Variants in SEC14L2 observed in about 807,000 individuals in gnomAD.
The protein encoded by SEC14L2 is SEC14-like protein 2.
In SEC14L2, 50 loss-of-function variants were observed where a neutral mutation model predicts 56.9. The ratio of observed to expected loss-of-function variants is 0.88; its 90% CI spans 0.70 to 1.11. SEC14L2 has a LOEUF of 1.11. SEC14L2 is among the 50% of genes most tolerant of loss of function. SEC14L2 has a pLI of 0.00. For missense variants in SEC14L2, 414 were observed against 500.7 expected (o/e 0.83, Z 1.65); for synonymous variants, 179 against 188.5 (o/e 0.95, Z 0.41).
At chr22:30,417,563 T>G (rs370919113) in intron 11 of SEC14L2, among the ~76,000 whole-genome samples, 1 of 151,984 alleles carries the variant, frequency 6.6e-6, no homozygotes, top group Non-Finnish European at 1.5e-5. Context: ...ACTGCTACAC[T>G]GGGGTATCTC....
chr22:30,412,478 G>A (rs577949216), intron 8 of SEC14L2, among the ~76,000 whole-genome samples: 1 of 151,966 alleles, frequency 6.6e-6, no homozygotes, highest in African/African-American at 2.4e-5. Context: ...AGCCTGAATC[G>A]GGGAATTGGC....
chr22:30,409,861 C>G (rs1934201941), intron 7 of SEC14L2, among the ~76,000 whole-genome samples: 1 of 151,852 alleles, frequency 6.6e-6, no homozygotes, highest in Admixed American at 6.6e-5. Flanking sequence ...GATTGTGCCA[C>G]TGCACTCCAG....
intron 3 of SEC14L2, 120 bp from the exon 4 acceptor site, chr22:30,406,975 C>T: frequency 5.7e-6 from 5 of 879,434 alleles, no homozygotes; most frequent in Non-Finnish European, 9.0e-6. Flanking sequence ...TGGTCTTGAA[C>T]TCCTGGCCTC....
At chr22:30,412,860 A>C (rs9620982) in intron 8 of SEC14L2, among the ~76,000 whole-genome samples, 5 of 143,718 alleles carry the variant, frequency 3.5e-5, no homozygotes, top group African/African-American at 1.1e-4. Flanking sequence ...AAAAAAAAAC[A>C]AAAAAAACTT....
chr22:30,424,530 G>A lies in SEC14L2; in HGVS notation c.*2123G>A, dbSNP rs559289557. The A allele has an allele frequency of 1.4e-5, 5 of 352,932 alleles. No homozygotes were observed. The highest frequency in any genetic ancestry group is 1.1e-4 in the African/African-American group (5 of 46,586). The allele number at this position is 352,932 out of a possible 1,614,324, so 21.9% of individuals were successfully genotyped here. A position where few individuals can be genotyped will look rare whatever the true frequency, so the allele number is the denominator to read the frequency against. ...AGCTAATTCTTAATAAGGCCTACCG[G>A]GTATCACGCAAAAACCCTGTGCTTA... On this transcript the variant is annotated 3_prime_UTR_variant, in exon 12 of 12. Coordinates refer to ENST00000615189, the MANE Select transcript of SEC14L2 (RefSeq NM_012429.5).
At chr22:30,419,954 T>C (rs1003159667) in intron 11 of SEC14L2, among the ~76,000 whole-genome samples, 3 of 151,244 alleles carry the variant, frequency 2.0e-5, no homozygotes, top group African/African-American at 7.3e-5. Context: ...TTTCTTTTCT[T>C]TTCTTTTTTT....
chr22:30,405,543 C>T (rs2146017731), intron 2 of SEC14L2, among the ~76,000 whole-genome samples: 1 of 152,264 alleles, frequency 6.6e-6, no homozygotes, highest in Admixed American at 6.5e-5. Flanking sequence ...GAGGCAGGCC[C>T]TTTGTGTGGC....
chr22:30,404,129 A>G (rs1934027382), intron 2 of SEC14L2, among the ~76,000 whole-genome samples: 1 of 151,332 alleles, frequency 6.6e-6, no homozygotes. Context: ...CCATGAGAGG[A>G]CAGTGCCTTG....
At chr22:30,403,592 C>A (rs1934000293) in intron 2 of SEC14L2, among the ~76,000 whole-genome samples, 1 of 152,232 alleles carries the variant, frequency 6.6e-6, no homozygotes, top group Non-Finnish European at 1.5e-5. Context: ...CAGGTGGCAA[C>A]TCTGGGAGAG....
rs1185861063 is a variant in SEC14L2 at position 30,400,894 on chromosome 22, CAAAAAAAAAA to C, written c.130+1196_130+1205del. On this transcript the variant is annotated intron_variant, in intron 2 of 11. Transcript: ENST00000615189. ...TGGGTGACAGAGGGAGACTCCGTCT[CAAAAAAAAAA>C]AAAAAAAAAAAAAAAAAAAGAAGGT... 1.9e-4 allele frequency among the ~76,000 whole-genome samples: 9 copies of C among 48,614 alleles called. No homozygotes were observed. The East Asian group carries it at 3.7e-3, about 20-fold the overall frequency. 31.9% of individuals were successfully genotyped at this position (48,614 alleles called of 152,430 possible). A position where few individuals can be genotyped will look rare whatever the true frequency, so the allele number is the denominator to read the frequency against.
At chr22:30,415,215 T>C (rs1934355857) in intron 8 of SEC14L2, among the ~76,000 whole-genome samples, 2 of 152,160 alleles carry the variant, frequency 1.3e-5, no homozygotes, top group South Asian at 4.1e-4. Flanking sequence ...GTGGATCATC[T>C]GAGGTCAGGA....
chr22:30,411,433 A>G (rs767566504), intron 8 of SEC14L2, among the ~76,000 whole-genome samples: 7 of 152,106 alleles, frequency 4.6e-5, no homozygotes, highest in Non-Finnish European at 5.9e-5. Context: ...AGCTACTGCC[A>G]AGACTACAAA....
At chr22:30,408,901 G>T in intron 5 of SEC14L2, 3 of 478,112 alleles carry the variant, frequency 6.3e-6, no homozygotes, top group Non-Finnish European at 1.2e-5. Flanking sequence ...GACTCAGGAA[G>T]GGGGAGGCCA....
intron 8 of SEC14L2, among the ~76,000 whole-genome samples, chr22:30,411,365 A>G (rs1022896593): frequency 3.3e-5 from 5 of 152,202 alleles, no homozygotes; most frequent in Non-Finnish European, 1.5e-5. Context: ...GGTTGCTTTC[A>G]GTTGGGGAAA....
chr22:30,407,368 G>C (rs749234871), intron 4 of SEC14L2, 47 bp from the exon 5 acceptor site: 1 of 1,593,174 alleles, frequency 6.3e-7, no homozygotes. Context: ...GTCCAGGCAA[G>C]GTATGGATGC....
At position 30,416,587 on chromosome 22, in the gene SEC14L2, A is replaced by G. The variant is rs111864967; in HGVS notation, c.1081+184A>G. The G allele has an allele frequency of 2.9e-3, 4,256 of 1,481,906 alleles. 5 individuals carry two copies. The highest frequency in any genetic ancestry group is 3.5e-3 in the Non-Finnish European group (3,953 of 1,116,062). The allele number at this position is 1,481,906 out of a possible 1,614,324, so 91.8% of individuals were successfully genotyped here. A position where few individuals can be genotyped will look rare whatever the true frequency, so the allele number is the denominator to read the frequency against. ...TTGGAGACTTGTTTATGGTGACCCA[A>G]CTGGTTAACAGCAGGGTGGGACTTT... On this transcript the variant is annotated intron_variant, in intron 11 of 11. Transcript: ENST00000615189.
At chr22:30,401,680 ATT>A (rs61523027) in intron 2 of SEC14L2, among the ~76,000 whole-genome samples, 1 of 139,926 alleles carries the variant, frequency 7.1e-6, no homozygotes, top group Non-Finnish European at 1.5e-5. Flanking sequence ...CGCCCGGCTA[ATT>A]TTTTTTTTTT....
rs1934600948 is a variant in SEC14L2, at chr22:30,424,045, G to C, written c.*1638G>C. 1 of 152,374 alleles carries C rather than the reference G, an allele frequency of 6.6e-6. No individual in the cohort carries two copies. Among genetic ancestry groups the C allele is most frequent in the Admixed American group, 6.5e-5 (1 of 15,292 alleles). The allele number at this position is 152,374 out of a possible 1,614,324, so 9.4% of individuals were successfully genotyped here. ...TGCCTTCTGATTGGTCCAGCTGGTG[G>C]GTTGTCTTCCGCCATCTTTGATCAG... On this transcript the variant is annotated 3_prime_UTR_variant, in exon 12 of 12. Coordinates refer to ENST00000615189, the MANE Select transcript of SEC14L2 (RefSeq NM_012429.5).
chr22:30,406,011 G>A (rs1039112821), intron 2 of SEC14L2, among the ~76,000 whole-genome samples: 140 of 152,158 alleles, frequency 9.2e-4, no homozygotes, highest in African/African-American at 3.3e-3. Context: ...AATGATAAGA[G>A]GATCCGGGGT....
Sources: gnomAD v4.1 joint callset for allele counts (sites outside exome capture counted in the v4.1 genomes callset) on GRCh38, gnomAD v4.1.1 for gene constraint, MANE v1.5 for transcripts, NCBI Gene and HGNC (gene_info 2026-07-23, HGNC 2026-07-21) for gene names.